The following SH3KBP1 variants were observed in gnomAD, a reference collection of about 807,000 sequenced individuals.
SH3KBP1 encodes SH3 domain-containing kinase-binding protein 1.
SH3KBP1 carries 8 observed loss-of-function variants against 50.1 expected under a neutral mutation model. The ratio of observed to expected loss-of-function variants is 0.16; its 90% CI spans 0.09 to 0.29. SH3KBP1 has a LOEUF of 0.29. Ranked by LOEUF, SH3KBP1 falls within the 10% of genes least tolerant of loss-of-function variation. The probability of loss-of-function intolerance (pLI) is 1.00; values close to 1 mark genes in which losing one functional copy is unlikely to be tolerated. For synonymous variants in SH3KBP1, 227 were observed against 218.6 expected (o/e 1.04, Z -0.34); for missense variants, 377 against 535.2 (o/e 0.70, Z 2.92).
intron 2 of SH3KBP1, chrX:19,799,831 C>T (rs1381415641): frequency 1.9e-6 from 2 of 1,074,969 alleles, no homozygotes; most frequent in African/African-American, 3.8e-5. Context: ...ACCCGCCTGC[C>T]CCTCCCACTA....
chrX:19,536,737 G>C (rs2064720030), intron 17 of SH3KBP1, among the ~76,000 whole-genome samples: 1 of 112,104 alleles, frequency 8.9e-6, no homozygotes, highest in African/African-American at 3.2e-5. Context: ...CAGTTTCTTA[G>C]CCAGAGGGTA....
intron 5 of SH3KBP1, among the ~76,000 whole-genome samples, chrX:19,693,603 G>A (rs1270147100): frequency 9.0e-6 from 1 of 111,298 alleles, no homozygotes; most frequent in African/African-American, 3.3e-5. Flanking sequence ...TGTGTTGGGG[G>A]GAACAGTCTC....
rs770284105 is a variant in SH3KBP1, at chrX:19,694,914, T to C, written c.520+698A>G. 2.9e-4 allele frequency: 250 copies of C among 868,871 alleles called. 3 individuals carry two copies. The South Asian group carries it at 4.6e-3, about 16-fold the overall frequency. The allele number at this position is 868,871 out of a possible 1,213,427, so 71.6% of individuals were successfully genotyped here. On this transcript the variant is annotated intron_variant, in intron 5 of 17. Transcript: ENST00000397821. ...TCCTACAACATTCATGCCCATGACC[T>C]TGGCTCAAGACAGCACAAGAGATAC...
intron 13 of SH3KBP1, among the ~76,000 whole-genome samples, chrX:19,567,433 C>T (rs191844617): frequency 2.0e-3 from 180 of 88,724 alleles, no homozygotes; most frequent in Middle Eastern, 6.9e-3. Flanking sequence ...GTGGGAGGAT[C>T]GCTTGAACCT....
At chrX:19,877,849 T>A (rs1032401121) in intron 1 of SH3KBP1, among the ~76,000 whole-genome samples, 2 of 112,315 alleles carry the variant, frequency 1.8e-5, no homozygotes, top group Admixed American at 1.9e-4. Flanking sequence ...CTGCACTTCA[T>A]CTTGCCACTC....
chrX:19,564,896 T>C (rs1381280479), intron 13 of SH3KBP1, among the ~76,000 whole-genome samples: 2 of 109,345 alleles, frequency 1.8e-5, no homozygotes, highest in Non-Finnish European at 3.8e-5. Context: ...ATCCACTAGA[T>C]GCCAGTAGCA....
intron 1 of SH3KBP1, among the ~76,000 whole-genome samples, chrX:19,849,560 G>C (rs760542356): frequency 5.5e-4 from 60 of 109,313 alleles, no homozygotes; most frequent in Non-Finnish European, 5.5e-4. Context: ...GTGGTGGCAC[G>C]TGCCTGTAAT....
intron 2 of SH3KBP1, among the ~76,000 whole-genome samples, chrX:19,787,065 C>T (rs2066371137): frequency 9.0e-6 from 1 of 111,639 alleles, no homozygotes; most frequent in African/African-American, 3.3e-5. Context: ...TTAATATTGT[C>T]TTGAGCTGGT....
intron 7 of SH3KBP1, among the ~76,000 whole-genome samples, chrX:19,639,637 C>T (rs1050877306): frequency 3.2e-4 from 36 of 111,420 alleles, no homozygotes; most frequent in African/African-American, 1.1e-3. Context: ...TATTGGGGAG[C>T]AAGTGATGAA....
At chrX:19,666,688 CAG>C (rs2062607360) in intron 6 of SH3KBP1, among the ~76,000 whole-genome samples, 1 of 111,378 alleles carries the variant, frequency 9.0e-6, no homozygotes, top group East Asian at 2.8e-4. Context: ...AAAAAGCAAA[CAG>C]AAAATAACAA....
chrX:19,553,974 T>A (rs1312553350), intron 13 of SH3KBP1, among the ~76,000 whole-genome samples: 58 of 59,171 alleles, frequency 9.8e-4, no homozygotes, highest in Non-Finnish European at 1.5e-3. Context: ...ATAATATATA[T>A]TAAAATATAA....
chrX:19,595,503 G>A (rs2066875408), intron 9 of SH3KBP1, among the ~76,000 whole-genome samples: 1 of 112,346 alleles, frequency 8.9e-6, no homozygotes. Context: ...GAGGCTGGCA[G>A]GCCATTTGTT....
At chrX:19,586,121 G>C (rs2066560214) in intron 12 of SH3KBP1, among the ~76,000 whole-genome samples, 1 of 112,342 alleles carries the variant, frequency 8.9e-6, no homozygotes, top group Non-Finnish European at 1.9e-5. Flanking sequence ...GGGAGACGCA[G>C]AGGCAGAGAA....
intron 9 of SH3KBP1, among the ~76,000 whole-genome samples, chrX:19,598,828 G>T: frequency 9.0e-6 from 1 of 111,589 alleles, no homozygotes; most frequent in Non-Finnish European, 1.9e-5. Flanking sequence ...AAAGATCACT[G>T]ATCACAGATT....
chrX:19,745,734 A>G (rs2064899786), intron 3 of SH3KBP1, among the ~76,000 whole-genome samples: 1 of 111,806 alleles, frequency 8.9e-6, no homozygotes, highest in African/African-American at 3.3e-5. Flanking sequence ...AACAATTATC[A>G]CCAAGAGGGG....
intron 1 of SH3KBP1, among the ~76,000 whole-genome samples, chrX:19,849,683 GAA>G (rs61338118): frequency 4.1e-5 from 2 of 48,854 alleles, no homozygotes; most frequent in Non-Finnish European, 3.9e-5. Flanking sequence ...GTAGCAGAGT[GAA>G]AAAAAAAAAA....
At chrX:19,864,777 A>G (rs1372286320) in intron 1 of SH3KBP1, among the ~76,000 whole-genome samples, 1 of 112,359 alleles carries the variant, frequency 8.9e-6, no homozygotes, top group Non-Finnish European at 1.9e-5. Flanking sequence ...TAGGGCAACA[A>G]TAGGAAACGA....
intron 2 of SH3KBP1, among the ~76,000 whole-genome samples, chrX:19,782,285 G>A: frequency 8.9e-6 from 1 of 112,150 alleles, no homozygotes; most frequent in Non-Finnish European, 1.9e-5. Flanking sequence ...GAAGCTGGGA[G>A]AGGCAAGAAA....
At chrX:19,643,000 C>T (rs1170381715) in intron 7 of SH3KBP1, among the ~76,000 whole-genome samples, 1 of 111,214 alleles carries the variant, frequency 9.0e-6, no homozygotes, top group Admixed American at 9.6e-5. Flanking sequence ...CTCTTCTGCA[C>T]TGCTGGGCAA....
Sources: allele counts gnomAD v4.1 joint callset (sites outside exome capture counted in the v4.1 genomes callset), GRCh38; gene constraint gnomAD v4.1.1; transcripts MANE v1.5; gene names NCBI Gene and HGNC (gene_info 2026-07-23, HGNC 2026-07-21).